The following GLP2R variants were observed in gnomAD, a reference collection of about 807,000 sequenced individuals.
GLP2R encodes the protein glucagon-like peptide 2 receptor.
Under a neutral mutation model 68.2 loss-of-function variants are expected in GLP2R, and 59 were observed. The ratio of observed to expected loss-of-function variants is 0.87; its 90% confidence interval spans 0.70 to 1.07. The LOEUF is 1.07. Ranked by LOEUF, GLP2R falls within the 50% of genes least tolerant of loss-of-function variation. The probability of loss-of-function intolerance (pLI) is 0.00; values close to 1 mark genes in which losing one functional copy is unlikely to be tolerated. For missense variants in GLP2R, 548 were observed against 677.4 expected (o/e 0.81, Z 2.12); for synonymous variants, 270 against 265.4 (o/e 1.02, Z -0.17).
chr17:9,879,157 G>A (rs908777255), intron 10 of GLP2R, among the ~76,000 whole-genome samples: 2 of 151,738 alleles, frequency 1.3e-5, no homozygotes, highest in Non-Finnish European at 2.9e-5. Context: ...GTTTGCACCT[G>A]TAATCCCAAC....
intron 9 of GLP2R, 113 bp downstream of exon 9, chr17:9,862,203 C>G (rs1597392800): frequency 1.3e-6 from 1 of 753,330 alleles, no homozygotes; most frequent in Non-Finnish European, 2.3e-6. Context: ...GAGAGAGAAG[C>G]TGAACTATGA....
chr17:9,868,345 G>A (rs2067059962), intron 9 of GLP2R, among the ~76,000 whole-genome samples: 1 of 152,176 alleles, frequency 6.6e-6, no homozygotes, highest in African/African-American at 2.4e-5. Context: ...CTACCCCTGA[G>A]CTCCCGCTAT....
intron 4 of GLP2R, among the ~76,000 whole-genome samples, chr17:9,852,216 C>G (rs961257705): frequency 1.3e-5 from 2 of 152,066 alleles, no homozygotes; most frequent in Non-Finnish European, 2.9e-5. Context: ...TGCTCTCTCT[C>G]CCCTTGGCCC....
chr17:9,857,962 C>T (rs1299368675), intron 6 of GLP2R, among the ~76,000 whole-genome samples: 1 of 152,222 alleles, frequency 6.6e-6, no homozygotes, highest in Admixed American at 6.5e-5. Flanking sequence ...TTGCGTCTGA[C>T]CTGAACATGT....
intron 11 of GLP2R, among the ~76,000 whole-genome samples, chr17:9,884,347 A>T (rs1258894792): frequency 6.6e-6 from 1 of 152,214 alleles, no homozygotes; most frequent in African/African-American, 2.4e-5. Flanking sequence ...ATAAATTATT[A>T]TACCTATTTT....
chr17:9,870,246 G>T (rs938247796), intron 9 of GLP2R, among the ~76,000 whole-genome samples: 2 of 152,136 alleles, frequency 1.3e-5, no homozygotes, highest in Non-Finnish European at 2.9e-5. Context: ...GTTTTATGAG[G>T]ATAAAAATAG....
At chr17:9,827,619 T>C (rs2066644205) in intron 1 of GLP2R, among the ~76,000 whole-genome samples, 1 of 152,116 alleles carries the variant, frequency 6.6e-6, no homozygotes, top group South Asian at 2.1e-4. Context: ...TATAAAAGGA[T>C]GATGGGAAGG....
chr17:9,880,654 G>C, intron 11 of GLP2R, 138 bp downstream of exon 11: 1 of 558,792 alleles, frequency 1.8e-6, no homozygotes, highest in Non-Finnish European at 3.1e-6. Context: ...AAGGGCCCTT[G>C]GCATTAGAAG....
At chr17:9,874,595 T>C (rs540626328) in intron 10 of GLP2R, among the ~76,000 whole-genome samples, 1 of 152,288 alleles carries the variant, frequency 6.6e-6, no homozygotes, top group South Asian at 2.1e-4. Flanking sequence ...CACCTGGGTA[T>C]AGTACAGGGA....
chr17:9,851,608 C>T (rs985251522), intron 4 of GLP2R, among the ~76,000 whole-genome samples: 4 of 151,802 alleles, frequency 2.6e-5, no homozygotes, highest in African/African-American at 7.3e-5. Context: ...TAGAGAGAAA[C>T]GTGGTTGGGA....
intron 10 of GLP2R, among the ~76,000 whole-genome samples, chr17:9,878,686 C>T (rs2067162591): frequency 6.6e-6 from 1 of 152,182 alleles, no homozygotes; most frequent in Non-Finnish European, 1.5e-5. Context: ...CTGCACCCCT[C>T]TTCTTGGCTT....
At chr17:9,851,897 A>C (rs1226023548) in intron 4 of GLP2R, among the ~76,000 whole-genome samples, 2 of 152,140 alleles carry the variant, frequency 1.3e-5, no homozygotes, top group Non-Finnish European at 2.9e-5. Context: ...TTAAAAAAAA[A>C]ATAACAACAT....
At chr17:9,837,329 T>C (rs73974303) in intron 3 of GLP2R, among the ~76,000 whole-genome samples, 3,039 of 152,202 alleles carry the variant, frequency 0.02, 85 homozygotes, top group African/African-American at 0.069. Flanking sequence ...AGTTCAATTG[T>C]TTTGATTTTT....
At chr17:9,861,891 C>T in intron 8 of GLP2R, 130 bp from the exon 9 acceptor site, 3 of 729,132 alleles carry the variant, frequency 4.1e-6, no homozygotes, top group Non-Finnish European at 2.5e-6. Context: ...TCTCCCACCC[C>T]TCAGGGGACT....
intron 4 of GLP2R, among the ~76,000 whole-genome samples, chr17:9,845,989 AT>A (rs1171819791): frequency 6.6e-6 from 1 of 152,170 alleles, no homozygotes; most frequent in African/African-American, 2.4e-5. Flanking sequence ...TGCTTTAGAC[AT>A]TTAAACTATG....
At chr17:9,879,534 G>A (rs554991298) in intron 10 of GLP2R, among the ~76,000 whole-genome samples, 2 of 152,044 alleles carry the variant, frequency 1.3e-5, no homozygotes, top group East Asian at 3.9e-4. Flanking sequence ...AACCTCCAGA[G>A]GTGTGGATTC....
Position 9,826,214 on chromosome 17 carries a change from C to G in GLP2R, c.151C>G (p.Pro51Ala), listed in dbSNP as rs756219355. 1.2e-6 allele frequency: 2 copies of G among 1,611,914 alleles called. No homozygotes were observed. The highest frequency in any genetic ancestry group is 1.3e-5 in the African/African-American group (1 of 74,846). The change falls in exon 1 of 13, where the codon CCC becomes GCC. Residue 51 changes from proline to alanine, a missense_variant. Transcript: ENST00000262441. The stretch of plus-strand genomic sequence containing the variant: ...GTGCTCTCTCTGGGCCCCTGGGAGG[C>G]CCTTCCTCACTCTGGTCCTGCTGGT... ...RKCSLWAPGR[P>A]FLTLVLLVSI... is the part of the protein sequence containing the mutation.
intron 3 of GLP2R, among the ~76,000 whole-genome samples, chr17:9,837,506 T>C (rs75957679): frequency 0.017 from 2,542 of 152,220 alleles, 78 homozygotes; most frequent in African/African-American, 0.057. Context: ...TTTGGGTTGT[T>C]AGATGGGGAA....
chr17:9,827,182 T>C (rs1489006035), intron 1 of GLP2R, among the ~76,000 whole-genome samples: 1 of 152,204 alleles, frequency 6.6e-6, no homozygotes, highest in African/African-American at 2.4e-5. Context: ...ATACAGTTTT[T>C]TTTTTTAAAC....
Sources: gnomAD v4.1 joint callset for allele counts (sites outside exome capture counted in the v4.1 genomes callset) on GRCh38, gnomAD v4.1.1 for gene constraint, MANE v1.5 for transcripts, NCBI Gene and HGNC (gene_info 2026-07-23, HGNC 2026-07-21) for gene names.